CADPS2: variants seen among roughly 807,000 people sequenced by gnomAD.
CADPS2 encodes the protein calcium-dependent secretion activator 2.
Under a neutral mutation model 172.5 loss-of-function variants are expected in CADPS2, and 93 were observed. That is an observed-to-expected ratio of 0.54 (90% confidence interval 0.46 to 0.64). The LOEUF (loss-of-function observed/expected upper bound fraction) is 0.64. CADPS2 is among the 30% of genes least tolerant of loss of function. The pLI is 0.00. For missense variants in CADPS2, 1,420 were observed against 1,565.9 expected, an observed-to-expected ratio of 0.91 and a Z score of 1.57; for synonymous variants, 546 against 555.2, an observed-to-expected ratio of 0.98 and a Z score of 0.23.
chr7:122,361,391 A>C (rs2151140202), intron 25 of CADPS2, among the ~76,000 whole-genome samples: 1 of 151,644 alleles, frequency 6.6e-6, no homozygotes, highest in Admixed American at 6.6e-5. Context: ...CCGCCACCAC[A>C]CCTGGCTAAT....
At chr7:122,427,093 C>G (rs2049260075) in intron 17 of CADPS2, 1 of 151,674 alleles carries the variant, frequency 6.6e-6, no homozygotes, top group African/African-American at 2.4e-5. Flanking sequence ...GAATAAGGAA[C>G]AAACTGAAGA....
At position 122,875,251 on chromosome 7, in the gene CADPS2, A is replaced by G. The variant is rs149798964; in HGVS notation, c.339+10748T>C. 2.8e-3 allele frequency among the ~76,000 whole-genome samples: 424 copies of G among 152,312 alleles called. 2 individuals carry two copies. The highest frequency in any genetic ancestry group is 9.8e-3 in the African/African-American group (409 of 41,562). The stretch of plus-strand genomic sequence containing the variant: ...TCAATCTCTCTGATAAACTCCACCA[A>G]AAGAAAGTAAAATCAGTGTTAAATC... On this transcript the variant is annotated intron_variant, in intron 1 of 29. Transcript: ENST00000449022.
intron 2 of CADPS2, among the ~76,000 whole-genome samples, chr7:122,729,585 A>G (rs2091442331): frequency 6.8e-6 from 1 of 147,300 alleles, no homozygotes; most frequent in Admixed American, 6.8e-5. Flanking sequence ...ATGATATTTC[A>G]TTGTGGTTTT....
chr7:122,720,371 T>C (rs2090213685), intron 2 of CADPS2, among the ~76,000 whole-genome samples: 1 of 151,594 alleles, frequency 6.6e-6, no homozygotes, highest in Non-Finnish European at 1.5e-5. Flanking sequence ...TGACAATAAA[T>C]AAGGTTTCAG....
chr7:122,697,779 G>T, intron 2 of CADPS2: 1 of 1,555,782 alleles, frequency 6.4e-7, no homozygotes, highest in Non-Finnish European at 8.7e-7. Flanking sequence ...TTCCTCAAAA[G>T]TCATGCCATC....
intron 3 of CADPS2, among the ~76,000 whole-genome samples, chr7:122,640,862 A>G (rs1367589445): frequency 6.7e-6 from 1 of 150,070 alleles, no homozygotes. Context: ...TGAACCCGGG[A>G]GGTGGAGTTT....
intron 1 of CADPS2, among the ~76,000 whole-genome samples, chr7:122,747,185 T>C (rs2092753147): frequency 6.6e-6 from 1 of 152,062 alleles, no homozygotes; most frequent in South Asian, 2.1e-4. Context: ...GAAGTTCTCA[T>C]TGCAATAGAA....
chr7:122,614,778 T>C (rs2074707621), intron 6 of CADPS2, among the ~76,000 whole-genome samples: 1 of 152,190 alleles, frequency 6.6e-6, no homozygotes, highest in Non-Finnish European at 1.5e-5. Context: ...AATCATGGTA[T>C]CTACTGTTAC....
At chr7:122,474,552 C>G (rs761375682) in intron 12 of CADPS2, 35 bp from the exon 13 acceptor site, 1 of 1,592,044 alleles carries the variant, frequency 6.3e-7, no homozygotes, top group South Asian at 1.1e-5. Flanking sequence ...AGTATATTTA[C>G]TTTTCAGGCT....
intron 1 of CADPS2, among the ~76,000 whole-genome samples, chr7:122,826,464 T>C (rs1164738912): frequency 1.3e-5 from 2 of 152,084 alleles, no homozygotes; most frequent in African/African-American, 4.8e-5. Context: ...TGAAAAGAGA[T>C]AATCAACAGA....
rs1408972739 is a variant in CADPS2 at position 122,664,966 on chromosome 7, T to C, written c.454-1397A>G. Among the ~76,000 whole-genome samples the C allele has an allele frequency of 3.0e-5, 4 of 135,452 alleles. No homozygotes were observed. The East Asian group carries it at 6.6e-4, about 22-fold the overall frequency. 88.9% of individuals were successfully genotyped at this position (135,452 alleles called of 152,430 possible). A position where few individuals can be genotyped will look rare whatever the true frequency, so the allele number is the denominator to read the frequency against. Reference sequence around the variant, plus strand: ...ATGCCTGGGCTAGTTTTTGTATTTTTTTTTTTTTTTTTTGTAGATATGGGG... The same window carrying C: ...ATGCCTGGGCTAGTTTTTGTATTTTCTTTTTTTTTTTTTGTAGATATGGGG... On this transcript the variant is annotated intron_variant, in intron 2 of 29. Transcript: ENST00000449022.
rs568788755 is a variant in CADPS2 at position 122,832,687 on chromosome 7, T to G, written c.339+53312A>C. On this transcript the variant is annotated intron_variant, in intron 1 of 29. Transcript: ENST00000449022. ...TCACATATGTTAAACTGAGCAGATG[T>G]TAAAATGCTGGTTACAAATATAAAC... 1.2e-4 allele frequency among the ~76,000 whole-genome samples: 19 copies of G among 152,338 alleles called. No homozygotes were observed. The South Asian group carries it at 3.9e-3, about 32-fold the overall frequency.
intron 2 of CADPS2, among the ~76,000 whole-genome samples, chr7:122,734,655 A>G (rs948475032): frequency 2.0e-5 from 3 of 152,024 alleles, no homozygotes; most frequent in East Asian, 3.9e-4. Flanking sequence ...ATATACTTCT[A>G]AAAAAATGAA....
intron 2 of CADPS2, among the ~76,000 whole-genome samples, chr7:122,734,084 A>G (rs971197882): frequency 5.9e-5 from 9 of 151,930 alleles, no homozygotes; most frequent in African/African-American, 2.2e-4. Flanking sequence ...ATGGAACCTA[A>G]GAGTCTGCTT....
intron 9 of CADPS2, 146 bp downstream of exon 9, chr7:122,513,103 A>G: frequency 1.7e-6 from 1 of 585,878 alleles, no homozygotes; most frequent in East Asian, 2.9e-5. Flanking sequence ...TAGTGTTAGC[A>G]TGTAATGAAT....
At chr7:122,450,310 C>A (rs1372312254) in intron 15 of CADPS2, among the ~76,000 whole-genome samples, 1 of 151,800 alleles carries the variant, frequency 6.6e-6, no homozygotes, top group Non-Finnish European at 1.5e-5. Context: ...CACATGCATG[C>A]AACATAGCAG....
At chr7:122,379,245 A>T (rs2042711952) in intron 25 of CADPS2, 123 bp downstream of exon 25, 2 of 577,660 alleles carry the variant, frequency 3.5e-6, no homozygotes, top group Admixed American at 7.5e-5. Flanking sequence ...GAAAATTCTA[A>T]TTTTTTCCTG....
chr7:122,597,693 C>T (rs541947982), intron 6 of CADPS2, among the ~76,000 whole-genome samples: 53 of 152,162 alleles, frequency 3.5e-4, no homozygotes, highest in African/African-American at 1.0e-3. Context: ...AAATCAAATG[C>T]TGCTTAGAGG....
intron 1 of CADPS2, among the ~76,000 whole-genome samples, chr7:122,828,562 C>A (rs1169233796): frequency 6.6e-6 from 1 of 152,092 alleles, no homozygotes; most frequent in Non-Finnish European, 1.5e-5. Flanking sequence ...TTCAATAAAT[C>A]AAATATAATT....
Sources: allele counts gnomAD v4.1 joint callset (sites outside exome capture counted in the v4.1 genomes callset), GRCh38; gene constraint gnomAD v4.1.1; transcripts MANE v1.5; gene names NCBI Gene and HGNC (gene_info 2026-07-23, HGNC 2026-07-21).